The following CST9L variants were observed in gnomAD, a reference collection of about 807,000 sequenced individuals.
CST9L encodes the protein cystatin 9 like.
CST9L carries 17 observed loss-of-function variants against 13.2 expected under a neutral mutation model. That is an observed-to-expected ratio of 1.29 (90% CI 0.88 to 1.93). The LOEUF is 1.93. Ranked by LOEUF, CST9L falls within the 30% of genes most tolerant of loss-of-function variation. The probability of loss-of-function intolerance (pLI) is 0.00; values close to 1 mark genes in which losing one functional copy is unlikely to be tolerated. For synonymous variants in CST9L, 78 were observed against 69.1 expected, an observed-to-expected ratio of 1.13 and a Z score of -0.64; for missense variants, 170 against 170.5, an observed-to-expected ratio of 1.00 and a Z score of 0.02.
chr20:23,565,334 G>A (rs1469210844), intron 2 of CST9L, among the ~76,000 whole-genome samples: 1 of 152,212 alleles, frequency 6.6e-6, no homozygotes, highest in Non-Finnish European at 1.5e-5. Context: ...GCACCCAAGA[G>A]CAGCAGGAGA....
intron 1 of CST9L, among the ~76,000 whole-genome samples, chr20:23,567,408 T>A (rs1417668396): frequency 6.7e-5 from 10 of 149,728 alleles, no homozygotes. Flanking sequence ...TTTGGGAGGC[T>A]GAGGCAGGAG....
rs140293366 is a variant in CST9L, at chr20:23,566,089, T to G, written c.241-2A>C. On this transcript the variant is annotated splice_acceptor_variant, in intron 1 of 2. Transcript: ENST00000376979. LOFTEE classifies it high-confidence loss of function. Reference sequence around the variant, plus strand: ...TGAGAATACAGTCTTGGACTCCACCTATTGCACACAGAGAGATTAATGTGA... The same window carrying G: ...TGAGAATACAGTCTTGGACTCCACCGATTGCACACAGAGAGATTAATGTGA... 12 of 1,504,372 alleles carry G rather than the reference T, an allele frequency of 8.0e-6. No homozygotes were observed. Among genetic ancestry groups the G allele is most frequent in the Admixed American group, 3.3e-5 (2 of 59,906 alleles). The allele number at this position is 1,504,372 out of a possible 1,614,324, so 93.2% of individuals were successfully genotyped here.
At chr20:23,565,184 C>T (rs573758085) in intron 2 of CST9L, 147 bp from the exon 3 acceptor site, 2 of 668,280 alleles carry the variant, frequency 3.0e-6, no homozygotes, top group South Asian at 1.7e-5. Context: ...CATGTGCTGC[C>T]CCCAAGCCTG....
Position 23,564,957 on chromosome 20 carries a change from T to A in CST9L, c.435A>T (p.Gly145=), listed in dbSNP as rs1989070512. 6.2e-7 allele frequency: 1 copy of A among 1,610,412 alleles called. No homozygotes were observed. Among genetic ancestry groups the A allele is most frequent in the South Asian group, 1.1e-5 (1 of 91,016 alleles). The change falls in exon 3 of 3, where the codon GGA becomes GGT. Residue 145 remains glycine (G), a synonymous_variant. Coordinates refer to ENST00000376979, the MANE Select transcript of CST9L (RefSeq NM_080610.3). ...FSLLNKTCLE[G]FH is the part of the protein sequence containing the mutation. The stretch of plus-strand genomic sequence containing the variant: ...TGTGAGTGGGTTTCACTCAGTGGAA[T>A]CCCTCCAAGCAGGTCTTGTTCAGGA...
intron 1 of CST9L, among the ~76,000 whole-genome samples, chr20:23,567,531 C>T (rs1422543142): frequency 2.7e-5 from 4 of 149,598 alleles, no homozygotes; most frequent in Non-Finnish European, 4.4e-5. Context: ...AAAAAAAGTC[C>T]TCAACTTGGT....
At chr20:23,567,493 G>C (rs1019032699) in intron 1 of CST9L, among the ~76,000 whole-genome samples, 2 of 122,930 alleles carry the variant, frequency 1.6e-5, no homozygotes, top group African/African-American at 3.1e-5. Context: ...GGGTGACAGA[G>C]CAAGATTCCA....
chr20:23,566,722 A>G (rs1215350600), intron 1 of CST9L, among the ~76,000 whole-genome samples: 1 of 151,846 alleles, frequency 6.6e-6, no homozygotes, highest in Non-Finnish European at 1.5e-5. Context: ...CATCTCTACT[A>G]AAAATACAAA....
intron 1 of CST9L, 39 bp downstream of exon 1, chr20:23,568,172 A>G (rs762905249): frequency 6.2e-7 from 1 of 1,613,116 alleles, no homozygotes; most frequent in Non-Finnish European, 8.5e-7. Context: ...TGAGCAGCAC[A>G]TGCCAGATGC....
intron 1 of CST9L, among the ~76,000 whole-genome samples, chr20:23,567,348 A>G (rs1182116318): frequency 6.6e-6 from 1 of 152,042 alleles, no homozygotes; most frequent in African/African-American, 2.4e-5. Flanking sequence ...TCTCTACTAA[A>G]AATACAAAAA....
Position 23,568,318 on chromosome 20 carries a change from G to C in CST9L, c.133C>G (p.Arg45Gly). The C allele has an allele frequency of 6.2e-7, 1 of 1,614,172 alleles. No individual in the cohort carries two copies. The highest frequency in any genetic ancestry group is 8.5e-7 in the Non-Finnish European group (1 of 1,180,040). ...RDCDEHNVMA[R>G]YLPATVEFAV... is the part of the protein sequence containing the mutation. ...AACTCCACTGTGGCAGGGAGGTAAC[G>C]AGCCATGACATTGTGTTCATCACAG... The change falls in exon 1 of 3, where the codon CGT becomes GGT. Residue 45 changes from arginine to glycine, a missense_variant. Coordinates refer to ENST00000376979, the MANE Select transcript of CST9L (RefSeq NM_080610.3).
At position 23,564,922 on chromosome 20, in the gene CST9L, TG is replaced by T; in HGVS notation, c.*25del. Reference sequence around the variant, plus strand: ...GTCCACGGAATGTGGGAGCAGCACATGGACAAGCCTGTGAGTGGGTTTCACT... The same window carrying T: ...GTCCACGGAATGTGGGAGCAGCACATGACAAGCCTGTGAGTGGGTTTCACT... On this transcript the variant is annotated 3_prime_UTR_variant, in exon 3 of 3. Coordinates refer to ENST00000376979, the MANE Select transcript of CST9L (RefSeq NM_080610.3). The T allele has an allele frequency of 1.3e-6, 2 of 1,534,118 alleles. No individual in the cohort carries two copies. Among genetic ancestry groups the T allele is most frequent in the Non-Finnish European group, 1.8e-6 (2 of 1,107,132 alleles).
At chr20:23,566,747 G>A (rs960352587) in intron 1 of CST9L, among the ~76,000 whole-genome samples, 1 of 152,050 alleles carries the variant, frequency 6.6e-6, no homozygotes, top group Non-Finnish European at 1.5e-5. Context: ...AGCTGGGCAT[G>A]GTGGCAGGTG....
At chr20:23,568,173 T>A (rs374586618) in intron 1 of CST9L, 38 bp downstream of exon 1, 2 of 1,613,152 alleles carry the variant, frequency 1.2e-6, no homozygotes, top group Non-Finnish European at 1.7e-6. Flanking sequence ...GAGCAGCACA[T>A]GCCAGATGCC....
Position 23,566,087 on chromosome 20 carries a change from C to T in CST9L, c.241G>A (p.Val81Met). The T allele has an allele frequency of 6.6e-7, 1 of 1,523,464 alleles. No homozygotes were observed. Among genetic ancestry groups the T allele is most frequent in the South Asian group, 1.1e-5 (1 of 89,256 alleles). 94.4% of individuals were successfully genotyped at this position (1,523,464 alleles called of 1,614,324 possible). A position where few individuals can be genotyped will look rare whatever the true frequency, so the allele number is the denominator to read the frequency against. The stretch of plus-strand genomic sequence containing the variant: ...ATTGAGAATACAGTCTTGGACTCCA[C>T]CTATTGCACACAGAGAGATTAATGT... The part of the protein sequence containing the change: ...GHILNSWKEQ[V>M]ESKTVFSMEL... The change falls in exon 2 of 3, where the codon GTG (valine) becomes ATG (methionine). Residue 81 changes from valine to methionine, a missense_variant and splice_region_variant. Physicochemically the swap from Val to Met is conservative, Grantham distance 21. Coordinates refer to ENST00000376979, the MANE Select transcript of CST9L (RefSeq NM_080610.3).
intron 2 of CST9L, among the ~76,000 whole-genome samples, chr20:23,565,491 C>T (rs755900802): frequency 6.6e-6 from 1 of 152,176 alleles, no homozygotes; most frequent in Non-Finnish European, 1.5e-5. Flanking sequence ...GCAGGTGCTG[C>T]AGCTCAGCTC....
intron 1 of CST9L, among the ~76,000 whole-genome samples, chr20:23,566,652 G>C (rs1021362655): frequency 3.9e-5 from 6 of 152,200 alleles, no homozygotes; most frequent in Admixed American, 3.3e-4. Flanking sequence ...TTTGGAGGCT[G>C]GGGTGGGTGA....
chr20:23,568,403 C>G lies in CST9L; in HGVS notation c.48G>C (p.Leu16=), dbSNP rs1989129896. Residue 16 remains leucine (L), a synonymous_variant, in exon 1 of 3, where the codon CTG becomes CTC. Transcript: ENST00000376979. ...WKGGLSWALL[L]LLLGSQILLI... ...GCAGGATCTGGGAGCCTAAGAGAAG[C>G]AGCAGCAGCGCCCAGGACAGACCTC... The G allele has an allele frequency of 6.2e-7, 1 of 1,614,142 alleles. No individual in the cohort carries two copies. Among genetic ancestry groups the G allele is most frequent in the South Asian group, 1.1e-5 (1 of 91,062 alleles).
At chr20:23,566,302 T>C (rs532737504) in intron 1 of CST9L, among the ~76,000 whole-genome samples, 3 of 152,204 alleles carry the variant, frequency 2.0e-5, no homozygotes, top group Admixed American at 6.5e-5. Context: ...CCCATGAATG[T>C]ATCCCTATTT....
At position 23,565,035 on chromosome 20, in the gene CST9L, A is replaced by G; in HGVS notation, c.357T>C (p.Thr119=). The G allele has an allele frequency of 1.9e-6, 3 of 1,612,792 alleles. No homozygotes were observed. Among genetic ancestry groups the G allele is most frequent in the Non-Finnish European group, 1.7e-6 (2 of 1,178,904 alleles). The part of the protein sequence containing the change: ...HFQESTELNN[T]FTCFFTISTR... The stretch of plus-strand genomic sequence containing the variant: ...TGCTGATGGTGAAGAAGCAGGTGAA[A>G]GTCTGAGAGAACAAGCACAGGAAGG... Residue 119 remains threonine (T), a splice_region_variant and synonymous_variant, in exon 3 of 3, where the codon ACT becomes ACC. Coordinates refer to ENST00000376979, the MANE Select transcript of CST9L (RefSeq NM_080610.3).
Sources: allele counts gnomAD v4.1 joint callset (sites outside exome capture counted in the v4.1 genomes callset), GRCh38; gene constraint gnomAD v4.1.1; transcripts MANE v1.5; gene names NCBI Gene and HGNC (gene_info 2026-07-23, HGNC 2026-07-21).